Variants in DIP2C observed in about 807,000 individuals in gnomAD.
DIP2C encodes the protein DIP2 acetate--CoA ligase C (putative).
In DIP2C, 33 loss-of-function variants were observed where a neutral mutation model predicts 192.4. The ratio of observed to expected loss-of-function variants is 0.17; its 90% confidence interval spans 0.13 to 0.23. DIP2C has a LOEUF of 0.23. Ranked by LOEUF, DIP2C falls within the 10% of genes least tolerant of loss-of-function variation. The pLI, the probability that DIP2C is intolerant of heterozygous loss-of-function variation, is 1.00. For synonymous variants in DIP2C, 979 were observed against 864.1 expected (o/e 1.13, Z -2.33); for missense variants, 1,537 against 2,110.1 (o/e 0.73, Z 5.32).
At chr10:376,679 A>T (rs1452294139) in intron 17 of DIP2C, among the ~76,000 whole-genome samples, 1 of 151,930 alleles carries the variant, frequency 6.6e-6, no homozygotes, top group Non-Finnish European at 1.5e-5. Context: ...CAGCCACACA[A>T]CGCACACAGA....
chr10:571,280 A>G (rs1849779665), intron 1 of DIP2C, among the ~76,000 whole-genome samples: 1 of 152,190 alleles, frequency 6.6e-6, no homozygotes, highest in Non-Finnish European at 1.5e-5. Flanking sequence ...ACCACATCTC[A>G]GGTCAGCAAC....
chr10:574,355 T>C (rs561403994), intron 1 of DIP2C, among the ~76,000 whole-genome samples: 1 of 152,346 alleles, frequency 6.6e-6, no homozygotes, highest in South Asian at 2.1e-4. Context: ...GAATAACCAT[T>C]CCATTATTTT....
chr10:440,390 C>G (rs1055070164), intron 4 of DIP2C, among the ~76,000 whole-genome samples: 3 of 152,184 alleles, frequency 2.0e-5, no homozygotes, highest in Non-Finnish European at 4.4e-5. Context: ...CCTGCAGGAA[C>G]TAAAATACTA....
intron 3 of DIP2C, among the ~76,000 whole-genome samples, chr10:456,789 T>C (rs1463241848): frequency 6.6e-6 from 1 of 152,206 alleles, no homozygotes; most frequent in African/African-American, 2.4e-5. Flanking sequence ...GTTCCACCGT[T>C]TCGTTCTTTG....
intron 1 of DIP2C, among the ~76,000 whole-genome samples, chr10:554,109 G>T (rs539246982): frequency 2.0e-5 from 3 of 151,960 alleles, no homozygotes; most frequent in Non-Finnish European, 4.4e-5. Context: ...TAACAGTGGC[G>T]AACAGGCAGG....
intron 1 of DIP2C, among the ~76,000 whole-genome samples, chr10:580,817 A>C (rs1159042242): frequency 6.6e-6 from 1 of 152,228 alleles, no homozygotes. Flanking sequence ...ACAAAAACAC[A>C]GTGAGAAGGG....
chr10:594,075 G>C (rs867554224), intron 1 of DIP2C, among the ~76,000 whole-genome samples: 7 of 152,334 alleles, frequency 4.6e-5, no homozygotes, highest in Middle Eastern at 3.4e-3. Context: ...GAGCAGCCGT[G>C]CACAGATCCT....
At chr10:615,008 G>A (rs1272905166) in intron 1 of DIP2C, among the ~76,000 whole-genome samples, 4 of 152,244 alleles carry the variant, frequency 2.6e-5, no homozygotes, top group Admixed American at 1.3e-4. Context: ...TGACACAGCC[G>A]AAGCGCTGGT....
intron 3 of DIP2C, among the ~76,000 whole-genome samples, chr10:447,824 G>A (rs12775001): frequency 5.9e-5 from 6 of 102,278 alleles, no homozygotes; most frequent in East Asian, 2.9e-4. Flanking sequence ...CACTCCCGTC[G>A]ATACTCAGGA....
intron 1 of DIP2C, chr10:667,784 A>ATG (rs1491516939): frequency 6.6e-6 from 1 of 152,294 alleles, no homozygotes; most frequent in African/African-American, 2.4e-5. Context: ...ACAACACACA[A>ATG]CACTCATACA....
intron 6 of DIP2C, among the ~76,000 whole-genome samples, chr10:417,605 C>CAT (rs1258634835): frequency 6.7e-6 from 1 of 150,214 alleles, no homozygotes; most frequent in Non-Finnish European, 1.5e-5. Flanking sequence ...CTAGGATAGG[C>CAT]ATCCCTGTCT....
At chr10:512,243 A>G (rs1384412300) in intron 1 of DIP2C, among the ~76,000 whole-genome samples, 1 of 152,142 alleles carries the variant, frequency 6.6e-6, no homozygotes, top group Non-Finnish European at 1.5e-5. Flanking sequence ...AGCGTTTTTT[A>G]AAGTTGACTT....
intron 36 of DIP2C, among the ~76,000 whole-genome samples, chr10:279,966 C>G (rs1954726786): frequency 6.6e-6 from 1 of 152,170 alleles, no homozygotes. Flanking sequence ...CTTAAAAATA[C>G]AAAAACGGAA....
intron 1 of DIP2C, among the ~76,000 whole-genome samples, chr10:508,907 C>G (rs896454412): frequency 2.0e-5 from 3 of 150,408 alleles, no homozygotes; most frequent in African/African-American, 7.5e-5. Flanking sequence ...GGCGGCCACT[C>G]TGACCCGACC....
intron 14 of DIP2C, among the ~76,000 whole-genome samples, chr10:385,983 G>C (rs940475649): frequency 6.6e-6 from 1 of 152,192 alleles, no homozygotes; most frequent in Non-Finnish European, 1.5e-5. Context: ...AGATGTGACA[G>C]TGGAGAGACT....
intron 32 of DIP2C, among the ~76,000 whole-genome samples, chr10:288,834 G>A (rs1338109490): frequency 1.3e-5 from 2 of 152,232 alleles, no homozygotes; most frequent in Admixed American, 6.5e-5. Flanking sequence ...GGTGTGCAGC[G>A]GCCGAGAGCC....
chr10:488,500 A>T (rs376167169), intron 1 of DIP2C, among the ~76,000 whole-genome samples: 33 of 152,230 alleles, frequency 2.2e-4, no homozygotes, highest in East Asian at 1.3e-3. Context: ...CTCCAAAACC[A>T]TGTCCCATGA....
intron 4 of DIP2C, among the ~76,000 whole-genome samples, chr10:432,313 C>G (rs150327785): frequency 0.015 from 2,242 of 152,276 alleles, 31 homozygotes; most frequent in Middle Eastern, 0.034. Context: ...ATGAACCCAA[C>G]TGGGCCTGGC....
intron 1 of DIP2C, among the ~76,000 whole-genome samples, chr10:490,505 C>T (rs556258135): frequency 6.6e-6 from 1 of 152,302 alleles, no homozygotes; most frequent in African/African-American, 2.4e-5. Flanking sequence ...AGTCAACTCC[C>T]GTCTCCGGGG....
Sources: allele counts gnomAD v4.1 joint callset (sites outside exome capture counted in the v4.1 genomes callset), GRCh38; gene constraint gnomAD v4.1.1; transcripts MANE v1.5; gene names NCBI Gene and HGNC (gene_info 2026-07-23, HGNC 2026-07-21).